TBXAS1: variants seen among roughly 807,000 people sequenced by gnomAD.
The protein encoded by TBXAS1 is thromboxane-A synthase.
In TBXAS1, 48 loss-of-function variants were observed where a neutral mutation model predicts 60.7. The observed-to-expected ratio is 0.79, with a 90% CI of 0.63 to 1.01. The LOEUF is 1.01. TBXAS1 is among the 50% of genes least tolerant of loss of function. The pLI is 0.00. For missense variants in TBXAS1, 685 were observed against 686.3 expected, an observed-to-expected ratio of 1.00 and a Z score of 0.02; for synonymous variants, 287 against 269.7, an observed-to-expected ratio of 1.06 and a Z score of -0.63.
chr7:139,953,580 G>C, intron 6 of TBXAS1, 124 bp downstream of exon 6: 2 of 899,916 alleles, frequency 2.2e-6, no homozygotes, highest in Non-Finnish European at 3.6e-6. Context: ...GCTCATAAAA[G>C]CATGGATGGA....
At position 139,858,584 on chromosome 7, in the gene TBXAS1, A is replaced by G. The variant is rs116870234; in HGVS notation, c.90-13651A>G. Among the ~76,000 whole-genome samples the G allele has an allele frequency of 8.7e-3, 1,326 of 152,334 alleles. 9 individuals are homozygous for G. The highest frequency in any genetic ancestry group is 0.026 in the South Asian group (127 of 4,826). ...ACTAGGCTGTAAGTGCCACAGAGCA[A>G]GGGCATGTAGGCATGGTCCCTGCAG... On this transcript the variant is annotated intron_variant, in intron 1 of 12. Coordinates refer to ENST00000448866, the MANE Select transcript of TBXAS1 (RefSeq NM_001061.7).
At chr7:139,846,865 G>A (rs573616377) in intron 1 of TBXAS1, among the ~76,000 whole-genome samples, 31 of 152,146 alleles carry the variant, frequency 2.0e-4, no homozygotes, top group African/African-American at 6.7e-4. Flanking sequence ...GCCATAGTGC[G>A]GCAGGTTTAG....
intron 2 of TBXAS1, 62 bp downstream of exon 2, chr7:139,872,390 C>T (rs1801890770): frequency 2.0e-6 from 3 of 1,525,200 alleles, no homozygotes; most frequent in East Asian, 2.3e-5. Flanking sequence ...CACAGTGGCT[C>T]ATGGCTGTAA....
At chr7:139,968,614 A>T (rs956570312) in intron 9 of TBXAS1, among the ~76,000 whole-genome samples, 3 of 152,156 alleles carry the variant, frequency 2.0e-5, no homozygotes, top group Non-Finnish European at 2.9e-5. Context: ...TTTTTAATTC[A>T]TGCCCCCAGA....
At chr7:140,012,950 T>C (rs187538468) in intron 10 of TBXAS1, among the ~76,000 whole-genome samples, 175 of 152,246 alleles carry the variant, frequency 1.1e-3, no homozygotes, top group African/African-American at 2.8e-3. Flanking sequence ...AGGACACTTA[T>C]AAGGTTTGGA....
intron 1 of TBXAS1, among the ~76,000 whole-genome samples, chr7:139,838,366 G>T (rs1799206698): frequency 6.6e-6 from 1 of 152,198 alleles, no homozygotes; most frequent in African/African-American, 2.4e-5. Context: ...AACAAATGCT[G>T]ACTGAAGGCT....
chr7:139,790,998 T>A (rs549908358), intron 4 of TBXAS1, among the ~76,000 whole-genome samples: 1 of 152,240 alleles, frequency 6.6e-6, no homozygotes, highest in South Asian at 2.1e-4. Context: ...GAGATGGAGT[T>A]TCACCATGTT....
intron 4 of TBXAS1, among the ~76,000 whole-genome samples, chr7:139,823,021 C>T (rs1798339540): frequency 6.6e-6 from 1 of 151,960 alleles, no homozygotes; most frequent in African/African-American, 2.4e-5. Flanking sequence ...TCTCCCCGTC[C>T]TCCCCACTCA....
At chr7:139,855,674 C>G (rs1220842239) in intron 1 of TBXAS1, among the ~76,000 whole-genome samples, 2 of 152,130 alleles carry the variant, frequency 1.3e-5, no homozygotes, top group South Asian at 2.1e-4. Context: ...GAAGCCATAT[C>G]TGGAGCAAGG....
intron 4 of TBXAS1, among the ~76,000 whole-genome samples, chr7:139,789,966 C>T (rs1345758268): frequency 6.6e-6 from 1 of 152,168 alleles, no homozygotes. Flanking sequence ...TTTAGGTCTG[C>T]ACACGGAGTC....
intron 4 of TBXAS1, among the ~76,000 whole-genome samples, chr7:139,810,030 T>C (rs1797987195): frequency 6.6e-6 from 1 of 151,744 alleles, no homozygotes; most frequent in South Asian, 2.1e-4. Flanking sequence ...TTTCAATAAG[T>C]GGAAATTAAC....
At chr7:139,973,055 G>A (rs1238875155) in intron 9 of TBXAS1, among the ~76,000 whole-genome samples, 1 of 151,960 alleles carries the variant, frequency 6.6e-6, no homozygotes, top group Non-Finnish European at 1.5e-5. Flanking sequence ...GAGGCAGGTT[G>A]AAGGCAACAC....
At position 139,852,084 on chromosome 7, in the gene TBXAS1, A is replaced by G. The variant is rs963104556; in HGVS notation, c.90-20151A>G. 3.3e-5 allele frequency among the ~76,000 whole-genome samples: 5 copies of G among 152,330 alleles called. No homozygotes were observed. The highest frequency in any genetic ancestry group is 5.9e-5 in the Non-Finnish European group (4 of 68,032). ...GCTACAGCTCCATAAGCAAGCATGG[A>G]CACCATTCTCCAGCTTGACCCTGAA... is the stretch of plus-strand genomic sequence containing the variant. On this transcript the variant is annotated intron_variant, in intron 1 of 12. Coordinates refer to ENST00000448866, the MANE Select transcript of TBXAS1 (RefSeq NM_001061.7). The surrounding 1 kb of genome is among the most constrained non-coding windows in gnomAD (Gnocchi z 4.4).
chr7:139,830,719 C>T (rs548223962), intron 1 of TBXAS1, among the ~76,000 whole-genome samples: 1 of 152,136 alleles, frequency 6.6e-6, no homozygotes, highest in Non-Finnish European at 1.5e-5. Flanking sequence ...AGTGCTTAGT[C>T]GATGTCAGCC....
At chr7:139,951,995 A>AAAGG (rs1491367366) in intron 5 of TBXAS1, among the ~76,000 whole-genome samples, 3 of 149,936 alleles carry the variant, frequency 2.0e-5, no homozygotes, top group Non-Finnish European at 3.0e-5. Context: ...AGAAAGAAAG[A>AAAGG]AAGAAAGAAA....
chr7:139,965,879 A>AT (rs1569520545), intron 9 of TBXAS1, among the ~76,000 whole-genome samples: 1 of 142,592 alleles, frequency 7.0e-6, no homozygotes, highest in South Asian at 2.2e-4. Context: ...TCCTTCTTTT[A>AT]TTTTTTTAAT....
chr7:139,791,332 A>T (rs1458151790), intron 4 of TBXAS1, among the ~76,000 whole-genome samples: 3 of 152,202 alleles, frequency 2.0e-5, no homozygotes, highest in African/African-American at 7.2e-5. Context: ...CCTACCTGTG[A>T]GTGGGAGCCT....
chr7:139,937,121 C>A (rs1807856897), intron 5 of TBXAS1, among the ~76,000 whole-genome samples: 2 of 152,188 alleles, frequency 1.3e-5, no homozygotes, highest in South Asian at 4.1e-4. Context: ...GCTGGTCTGG[C>A]TTTGGTGTTT....
At position 139,875,525 on chromosome 7, in the gene TBXAS1, G is replaced by A; in HGVS notation, c.184-60G>A. The A allele has an allele frequency of 4.8e-6, 7 of 1,446,330 alleles. No homozygotes were observed. In the South Asian group the frequency reaches 8.0e-5, roughly 17 times the overall value. The allele number at this position is 1,446,330 out of a possible 1,614,324, so 89.6% of individuals were successfully genotyped here. The stretch of plus-strand genomic sequence containing the variant: ...CTGTTCCAAATTGTTTACTGAATAA[G>A]TTTGAATAATTGGAATTTTGCTTAA... On this transcript the variant is annotated intron_variant, in intron 2 of 12. Transcript: ENST00000448866.
Sources: gnomAD v4.1 joint callset for allele counts (sites outside exome capture counted in the v4.1 genomes callset) on GRCh38, gnomAD v4.1.1 for gene constraint, Gnocchi (gnomAD v3.1) non-coding constraint, MANE v1.5 for transcripts, NCBI Gene and HGNC (gene_info 2026-07-23, HGNC 2026-07-21) for gene names.